PLXNA2: variants seen among roughly 807,000 people sequenced by gnomAD.
PLXNA2 encodes the protein plexin-A2.
PLXNA2 carries 91 observed loss-of-function variants against 193.5 expected under a neutral mutation model. That is an observed-to-expected ratio of 0.47 (90% CI 0.40 to 0.56). The LOEUF (loss-of-function observed/expected upper bound fraction) is 0.56. Among genes scored for constraint, PLXNA2 ranks in the 20% least tolerant of loss-of-function variants. PLXNA2 has a pLI of 0.00. For synonymous variants in PLXNA2, 997 were observed against 1,027.3 expected (o/e 0.97, Z 0.56); for missense variants, 1,995 against 2,503.2 (o/e 0.80, Z 4.33).
chr1:208,232,074 G>A (rs1259874319), intron 1 of PLXNA2, among the ~76,000 whole-genome samples: 1 of 152,236 alleles, frequency 6.6e-6, no homozygotes, highest in Non-Finnish European at 1.5e-5. Context: ...GGAGCTGCTG[G>A]CCATCCACTG....
intron 1 of PLXNA2, among the ~76,000 whole-genome samples, chr1:208,243,027 C>T (rs1672109841): frequency 6.6e-6 from 1 of 152,160 alleles, no homozygotes; most frequent in Admixed American, 6.5e-5. Flanking sequence ...GGCGATACAC[C>T]GCAAAGGGAG....
chr1:208,147,245 A>G (rs1646360844), intron 3 of PLXNA2, among the ~76,000 whole-genome samples: 1 of 151,854 alleles, frequency 6.6e-6, no homozygotes, highest in Non-Finnish European at 1.5e-5. Flanking sequence ...CTGGTCTCAA[A>G]CTCTTGAGCT....
At chr1:208,129,108 C>T (rs1200474898) in intron 4 of PLXNA2, among the ~76,000 whole-genome samples, 2 of 152,164 alleles carry the variant, frequency 1.3e-5, no homozygotes, top group Admixed American at 1.3e-4. Context: ...AGAAATGATA[C>T]AATGAATGCC....
At position 208,151,998 on chromosome 1, in the gene PLXNA2, C is replaced by A. The variant is rs1013851478; in HGVS notation, c.1372-9535G>T. 2.0e-5 allele frequency among the ~76,000 whole-genome samples: 3 copies of A among 152,332 alleles called. No homozygotes were observed. The East Asian group carries it at 5.8e-4, about 29-fold the overall frequency. On this transcript the variant is annotated intron_variant, in intron 3 of 31. Coordinates refer to ENST00000367033, the MANE Select transcript of PLXNA2 (RefSeq NM_025179.4). ...GTCTCCTCCACTGTGACAAAGAAGG[C>A]CACCTGCAGTCTGGAGAAAGGAGCA...
chr1:208,111,822 C>T (rs1162287084), intron 4 of PLXNA2, among the ~76,000 whole-genome samples: 2 of 152,194 alleles, frequency 1.3e-5, no homozygotes, highest in Non-Finnish European at 2.9e-5. Context: ...AGCCTCCTGC[C>T]TGTCCTCTGG....
rs1048228053 is a variant in PLXNA2 at position 208,052,139 on chromosome 1, T to G, written c.2993+188A>C. Among the ~76,000 whole-genome samples, 9 of 152,320 alleles carry G rather than the reference T, an allele frequency of 5.9e-5. 1 individual carries two copies. The highest frequency in any genetic ancestry group is 2.2e-4 in the African/African-American group (9 of 41,574). On this transcript the variant is annotated intron_variant, in intron 15 of 31. Coordinates refer to ENST00000367033, the MANE Select transcript of PLXNA2 (RefSeq NM_025179.4). ...TATTTTTAGAAGTATCCAGCCCCTT[T>G]GATATACGGGATATAAACTGACAAG...
chr1:208,210,294 C>A lies in PLXNA2; in HGVS notation c.1357G>T (p.Gly453Cys). 6.2e-7 allele frequency: 1 copy of A among 1,613,790 alleles called. No individual in the cohort carries two copies. The highest frequency in any genetic ancestry group is 1.1e-5 in the South Asian group (1 of 91,052). The change falls in exon 3 of 32, where the codon GGC becomes TGC. Residue 453 changes from glycine (G) to cysteine (C), a missense_variant. By Grantham distance (159) the Gly-to-Cys change is radical. Coordinates refer to ENST00000367033, the MANE Select transcript of PLXNA2 (RefSeq NM_025179.4). Reference protein sequence around the residue: ...YSVVFVGTKSGKLKKIRADGP... With the variant: ...YSVVFVGTKSCKLKKIRADGP... ...TAGACTCTTACCTTTTTCAGCTTGC[C>A]ACTCTTAGTCCCCACAAAAACCACG...
chr1:208,130,154 G>C (rs543131517), intron 4 of PLXNA2, among the ~76,000 whole-genome samples: 6 of 152,274 alleles, frequency 3.9e-5, no homozygotes, highest in African/African-American at 1.2e-4. Flanking sequence ...AGTGGCAAAG[G>C]CTCAGGGAAC....
intron 1 of PLXNA2, among the ~76,000 whole-genome samples, chr1:208,223,581 C>A (rs1193254228): frequency 6.6e-6 from 1 of 152,186 alleles, no homozygotes; most frequent in East Asian, 1.9e-4. Flanking sequence ...GGCTCCTTTC[C>A]CCCTTGGGGA....
At chr1:208,071,105 C>A (rs368365580) in intron 12 of PLXNA2, among the ~76,000 whole-genome samples, 4 of 152,168 alleles carry the variant, frequency 2.6e-5, no homozygotes, top group African/African-American at 7.2e-5. Flanking sequence ...TGGTTTCCAG[C>A]AGGTGATCAG....
At chr1:208,205,253 C>T (rs1023609971) in intron 3 of PLXNA2, among the ~76,000 whole-genome samples, 2 of 152,226 alleles carry the variant, frequency 1.3e-5, no homozygotes, top group African/African-American at 4.8e-5. Flanking sequence ...GCCACTCTTC[C>T]TCCATCTCCA....
In PLXNA2 at chr1:208,114,676, T is replaced by G. The variant is rs541219250; in HGVS notation, c.1507-11429A>C. Reference sequence around the variant, plus strand: ...TTTCTAACCATCCAAAACTTGGGCATCTTGTCCTCTCTGACACATCAGACC... The same window carrying G: ...TTTCTAACCATCCAAAACTTGGGCAGCTTGTCCTCTCTGACACATCAGACC... On this transcript the variant is annotated intron_variant, in intron 4 of 31. Transcript: ENST00000367033. Among the ~76,000 whole-genome samples, 3 of 152,384 alleles carry G rather than the reference T, an allele frequency of 2.0e-5. No individual in the cohort carries two copies. In the South Asian group the frequency reaches 6.2e-4, roughly 32 times the overall value.
intron 3 of PLXNA2, among the ~76,000 whole-genome samples, chr1:208,183,154 G>C (rs901362728): frequency 6.6e-6 from 1 of 152,216 alleles, no homozygotes; most frequent in East Asian, 1.9e-4. Context: ...CATGATATGG[G>C]AGGAGGCACA....
At chr1:208,061,003 C>T (rs576982630) in intron 12 of PLXNA2, among the ~76,000 whole-genome samples, 166 bp from the exon 13 acceptor site, 10 of 152,230 alleles carry the variant, frequency 6.6e-5, no homozygotes, top group African/African-American at 9.6e-5. Flanking sequence ...TAGCTTATCT[C>T]GGATCTTGAC....
chr1:208,039,525 T>C (rs1664790869), intron 24 of PLXNA2, 96 bp downstream of exon 24: 2 of 1,529,816 alleles, frequency 1.3e-6, no homozygotes, highest in Admixed American at 3.4e-5. Flanking sequence ...CCCATCCTCT[T>C]TATTGACCCC....
chr1:208,141,140 C>T (rs1022452727), intron 4 of PLXNA2, among the ~76,000 whole-genome samples: 1 of 152,184 alleles, frequency 6.6e-6, no homozygotes, highest in Non-Finnish European at 1.5e-5. Flanking sequence ...ATATAATTGG[C>T]ATGCAATTAT....
intron 1 of PLXNA2, among the ~76,000 whole-genome samples, chr1:208,234,194 CTG>C (rs1417177333): frequency 6.6e-6 from 1 of 152,122 alleles, no homozygotes; most frequent in Non-Finnish European, 1.5e-5. Context: ...TGGCAGCTTG[CTG>C]TGTGACTCAG....
At chr1:208,126,007 C>A (rs182721220) in intron 4 of PLXNA2, among the ~76,000 whole-genome samples, 18 of 152,312 alleles carry the variant, frequency 1.2e-4, no homozygotes, top group African/African-American at 4.1e-4. Flanking sequence ...ATATTCTGAC[C>A]TTTGTGCAAG....
At chr1:208,113,318 C>T (rs148101198) in intron 4 of PLXNA2, among the ~76,000 whole-genome samples, 5 of 152,272 alleles carry the variant, frequency 3.3e-5, no homozygotes, top group South Asian at 2.1e-4. Flanking sequence ...TCATTCATTC[C>T]ACAATGGTTG....
Sources: allele counts gnomAD v4.1 joint callset (sites outside exome capture counted in the v4.1 genomes callset), GRCh38; gene constraint gnomAD v4.1.1; transcripts MANE v1.5; gene names NCBI Gene and HGNC (gene_info 2026-07-23, HGNC 2026-07-21).